ZNF185: variants seen among roughly 807,000 people sequenced by gnomAD.
ZNF185 encodes the protein zinc finger protein 185 with LIM domain.
Under a neutral mutation model 58.6 loss-of-function variants are expected in ZNF185, and 56 were observed. The observed-to-expected ratio is 0.95, with a 90% CI of 0.77 to 1.19. ZNF185 has a LOEUF of 1.19. ZNF185 is among the 50% of genes most tolerant of loss of function. ZNF185 has a pLI of 0.00. For missense variants in ZNF185, 627 were observed against 573.5 expected (o/e 1.09, Z -0.95); for synonymous variants, 230 against 215.9 (o/e 1.07, Z -0.57).
At chrX:152,952,346 G>C (rs1387810304) in intron 16 of ZNF185, among the ~76,000 whole-genome samples, 1 of 112,275 alleles carries the variant, frequency 8.9e-6, no homozygotes, top group Admixed American at 9.4e-5. Context: ...ATTAGAAGTT[G>C]TTTCCTTAAT....
At chrX:152,959,563 C>A (rs1453164911) in intron 16 of ZNF185, 136 bp from the exon 19 acceptor site, 25 of 701,581 alleles carry the variant, frequency 3.6e-5, no homozygotes, top group Admixed American at 2.7e-4. Flanking sequence ...GGGATTGTGC[C>A]TCCTTCCTGT....
At chrX:152,904,386 G>A in the ZNF185 span, among the ~76,000 whole-genome samples, 283 of 112,662 alleles carry the variant, frequency 2.5e-3, no homozygotes, top group Non-Finnish European at 3.6e-3. Flanking sequence ...TGCCTGTGGC[G>A]GTGCCTGCTC....
intron 17 of ZNF185, 126 bp downstream of exon 19, chrX:152,960,022 G>A (rs2049304133): frequency 3.1e-6 from 2 of 647,647 alleles, no homozygotes; most frequent in South Asian, 3.6e-5. Context: ...GTGTGGTTAG[G>A]AGCCAGAGGG....
intron 19 of ZNF185, 108 bp downstream of exon 21, chrX:152,965,635 C>T (rs1387255599): frequency 1.1e-5 from 7 of 665,877 alleles, no homozygotes; most frequent in South Asian, 5.7e-5. Flanking sequence ...AGAGTAGCTT[C>T]GGGGTAATTG....
At chrX:152,918,902 C>T in intron 6 of ZNF185, 81 bp from the exon 8 acceptor site, 1 of 711,521 alleles carries the variant, frequency 1.4e-6, no homozygotes, top group Non-Finnish European at 2.2e-6. Flanking sequence ...TGACTTGCCT[C>T]GTCATTGTTG....
chrX:152,938,898 ATCTCC>A (rs1337064677), intron 15 of ZNF185, among the ~76,000 whole-genome samples: 9 of 85,320 alleles, frequency 1.1e-4, no homozygotes, highest in African/African-American at 4.0e-4. Context: ...AACTCAGGCG[ATCTCC>A]TCTAAAGAGG....
chrX:152,956,565 C>G (rs1002464888), intron 16 of ZNF185, among the ~76,000 whole-genome samples: 2 of 111,242 alleles, frequency 1.8e-5, no homozygotes, highest in African/African-American at 6.6e-5. Flanking sequence ...ATGGTGAAAC[C>G]CTGTCTCCAC....
At chrX:152,906,082 A>G in the ZNF185 span, among the ~76,000 whole-genome samples, 1 of 112,509 alleles carries the variant, frequency 8.9e-6, no homozygotes, top group East Asian at 2.8e-4. Flanking sequence ...GGGAACCCAG[A>G]CACCATGAGG....
At chrX:152,949,779 A>T (rs1279091825) in intron 16 of ZNF185, among the ~76,000 whole-genome samples, 1 of 111,712 alleles carries the variant, frequency 9.0e-6, no homozygotes, top group Admixed American at 9.5e-5. Context: ...TGGAAAAATT[A>T]AAAAAAATCC....
chrX:152,941,574 A>T (rs1339932069), intron 15 of ZNF185: 1 of 1,023,518 alleles, frequency 9.8e-7, no homozygotes, highest in African/African-American at 2.0e-5. Context: ...CCACCAGCGT[A>T]CGCGACGCGT....
At chrX:152,898,488 T>A in the ZNF185 span, among the ~76,000 whole-genome samples, 1 of 112,519 alleles carries the variant, frequency 8.9e-6, no homozygotes, top group Non-Finnish European at 1.9e-5. Context: ...GCCAGCCTGA[T>A]CCCTCTGTCT....
At chrX:152,930,297 C>T (rs1433643599) in intron 12 of ZNF185, among the ~76,000 whole-genome samples, 1 of 112,079 alleles carries the variant, frequency 8.9e-6, no homozygotes, top group Non-Finnish European at 1.9e-5. Context: ...GCATTGAAGT[C>T]AAAATTTCCA....
chrX:152,940,337 G>C (rs1044777913), intron 15 of ZNF185, among the ~76,000 whole-genome samples: 2 of 103,972 alleles, frequency 1.9e-5, no homozygotes, highest in Non-Finnish European at 3.9e-5. Context: ...ATACATGTGA[G>C]GTATACATTA....
upstream of ZNF185, among the ~76,000 whole-genome samples, chrX:152,913,570 A>C (rs1219815764): frequency 8.9e-6 from 1 of 112,709 alleles, no homozygotes; most frequent in Non-Finnish European, 1.9e-5. Context: ...AGCTCAAGGC[A>C]GCTGTGGGCC....
At chrX:152,952,887 G>A (rs1378925864) in intron 16 of ZNF185, among the ~76,000 whole-genome samples, 1 of 107,818 alleles carries the variant, frequency 9.3e-6, no homozygotes, top group Non-Finnish European at 1.9e-5. Flanking sequence ...AGTGCCATAG[G>A]GGCAGGGCAT....
intron 15 of ZNF185, among the ~76,000 whole-genome samples, chrX:152,938,904 TCTAAAGAGGAG>T (rs1569506397): frequency 2.4e-5 from 2 of 83,451 alleles, no homozygotes; most frequent in Non-Finnish European, 4.6e-5. Flanking sequence ...GGCGATCTCC[TCTAAAGAGGAG>T]AAGGAGCCAA....
chrX:152,945,699 C>T (rs1237177815), intron 16 of ZNF185, among the ~76,000 whole-genome samples: 2 of 111,532 alleles, frequency 1.8e-5, no homozygotes, highest in African/African-American at 3.3e-5. Flanking sequence ...TGTCTGTCCC[C>T]AGGTGTGAGA....
chrX:152,970,625 GC>G, intron 22 of ZNF185, 84 bp downstream of exon 24: 1 of 836,582 alleles, frequency 1.2e-6, no homozygotes. Context: ...TGGAGTCTCA[GC>G]CCCAGACACA....
chrX:152,925,034 C>T (rs9698334), intron 11 of ZNF185, among the ~76,000 whole-genome samples: 4 of 112,086 alleles, frequency 3.6e-5, no homozygotes, highest in Non-Finnish European at 5.7e-5. Flanking sequence ...GGCTCATGCC[C>T]GTAATCCCAG....
Sources: gnomAD v4.1 joint callset for allele counts (sites outside exome capture counted in the v4.1 genomes callset) on GRCh38, gnomAD v4.1.1 for gene constraint, MANE v1.5 for transcripts, NCBI Gene and HGNC (gene_info 2026-07-23, HGNC 2026-07-21) for gene names.